The following GALNTL6 variants were observed in gnomAD, a reference collection of about 807,000 sequenced individuals.
The protein encoded by GALNTL6 is polypeptide N-acetylgalactosaminyltransferase-like 6.
Under a neutral mutation model 73.7 loss-of-function variants are expected in GALNTL6, and 46 were observed. The ratio of observed to expected loss-of-function variants is 0.62; its 90% CI spans 0.49 to 0.80. GALNTL6 has a LOEUF of 0.80. Among genes scored for constraint, GALNTL6 ranks in the 30% least tolerant of loss-of-function variants. GALNTL6 has a pLI of 0.00. For synonymous variants in GALNTL6, 259 were observed against 263.7 expected (o/e 0.98, Z 0.17); for missense variants, 604 against 755.0 (o/e 0.80, Z 2.34).
intron 5 of GALNTL6, among the ~76,000 whole-genome samples, chr4:172,608,703 G>A (rs1041994308): frequency 2.6e-5 from 4 of 152,030 alleles, no homozygotes; most frequent in East Asian, 3.9e-4. Context: ...GATAGGAATA[G>A]CACTGAATTG....
At chr4:171,960,694 A>G (rs1364829186) in intron 2 of GALNTL6, among the ~76,000 whole-genome samples, 1 of 52,982 alleles carries the variant, frequency 1.9e-5, no homozygotes, top group African/African-American at 6.0e-5. Context: ...TATTTAAAAA[A>G]AAAAAAAAAA....
intron 2 of GALNTL6, among the ~76,000 whole-genome samples, chr4:171,980,497 G>A (rs754526961): frequency 3.3e-5 from 5 of 152,134 alleles, no homozygotes; most frequent in Non-Finnish European, 7.3e-5. Context: ...ATTCAAAAGT[G>A]CACAAAAAGT....
intron 5 of GALNTL6, among the ~76,000 whole-genome samples, chr4:172,576,787 T>C (rs1408320899): frequency 2.6e-5 from 4 of 152,172 alleles, no homozygotes; most frequent in Non-Finnish European, 5.9e-5. Flanking sequence ...ATTGTCTCAA[T>C]AGATTCTGAG....
At chr4:172,437,819 C>T (rs1217503110) in intron 5 of GALNTL6, among the ~76,000 whole-genome samples, 2 of 152,076 alleles carry the variant, frequency 1.3e-5, no homozygotes, top group Non-Finnish European at 2.9e-5. Context: ...TCTTCCTCTG[C>T]TGATTGACCG....
At chr4:172,113,515 A>G (rs1469023328) in intron 2 of GALNTL6, among the ~76,000 whole-genome samples, 2 of 152,072 alleles carry the variant, frequency 1.3e-5, no homozygotes, top group Non-Finnish European at 2.9e-5. Context: ...ATGCACATAT[A>G]GATCTGAGTT....
rs1444035506 is a variant in GALNTL6 at position 172,880,526 on chromosome 4, G to C, written c.924-2264G>C. ...GAAGGAAATGAGAAGAGATTACAAA[G>C]AGACATGAGGAAACTTTGACAAATA... is the stretch of plus-strand genomic sequence containing the variant. On this transcript the variant is annotated intron_variant, in intron 7 of 12. Coordinates refer to ENST00000506823, the MANE Select transcript of GALNTL6 (RefSeq NM_001034845.3). Among the ~76,000 whole-genome samples the C allele has an allele frequency of 2.0e-5, 3 of 152,224 alleles. No homozygotes were observed. The East Asian group carries it at 5.8e-4, about 29-fold the overall frequency.
chr4:172,418,559 C>G (rs1021000566), intron 5 of GALNTL6, among the ~76,000 whole-genome samples: 2 of 152,152 alleles, frequency 1.3e-5, no homozygotes, highest in African/African-American at 4.8e-5. Flanking sequence ...AGGGAATAGC[C>G]AAATCCAGCC....
In GALNTL6 at chr4:172,508,364, T is replaced by A. The variant is rs538403690; in HGVS notation, c.553+159675T>A. On this transcript the variant is annotated intron_variant, in intron 5 of 12. Coordinates refer to ENST00000506823, the MANE Select transcript of GALNTL6 (RefSeq NM_001034845.3). ...AACCATTTTTCAAGAAGTTCGATGA[T>A]GACATACAGCATGGTTTTCTGTGAA... Among the ~76,000 whole-genome samples, 17 of 55,548 alleles carry A rather than the reference T, an allele frequency of 3.1e-4. 6 individuals carry two copies. Among genetic ancestry groups the A allele is most frequent in the African/African-American group, 7.6e-4 (17 of 22,298 alleles). 36.4% of individuals were successfully genotyped at this position (55,548 alleles called of 152,430 possible).
At chr4:172,529,224 C>A (rs1181674140) in intron 5 of GALNTL6, among the ~76,000 whole-genome samples, 1 of 151,436 alleles carries the variant, frequency 6.6e-6, no homozygotes, top group Non-Finnish European at 1.5e-5. Context: ...AAAATATAAT[C>A]TAAAGAAACA....
intron 5 of GALNTL6, among the ~76,000 whole-genome samples, chr4:172,491,545 G>C (rs1246249362): frequency 6.6e-6 from 1 of 152,066 alleles, no homozygotes; most frequent in Non-Finnish European, 1.5e-5. Context: ...ATCTGGACTG[G>C]AAGGGAAGAC....
intron 5 of GALNTL6, among the ~76,000 whole-genome samples, chr4:172,454,027 G>T (rs1362363096): frequency 6.6e-6 from 1 of 152,140 alleles, no homozygotes; most frequent in Non-Finnish European, 1.5e-5. Context: ...CAAGCATGGT[G>T]CTATGTCCTC....
intron 5 of GALNTL6, among the ~76,000 whole-genome samples, chr4:172,794,051 C>G (rs933496591): frequency 6.6e-6 from 1 of 152,122 alleles, no homozygotes; most frequent in African/African-American, 2.4e-5. Context: ...TACTGTAGAA[C>G]AGAAATGCAG....
At position 172,837,248 on chromosome 4, in the gene GALNTL6, A is replaced by G. The variant is rs191427062; in HGVS notation, c.923+23525A>G. 1.2e-4 allele frequency among the ~76,000 whole-genome samples: 18 copies of G among 152,304 alleles called. No individual in the cohort carries two copies. The East Asian group carries it at 3.5e-3, about 29-fold the overall frequency. ...ATTGTTTCAATTTTCTTTAAACATC[A>G]AAATATTTGTGGTCCAGGATTAGAT... On this transcript the variant is annotated intron_variant, in intron 7 of 12. Transcript: ENST00000506823.
chr4:172,349,873 T>C (rs1034433116), intron 5 of GALNTL6, among the ~76,000 whole-genome samples: 1 of 150,906 alleles, frequency 6.6e-6, no homozygotes, highest in Admixed American at 6.6e-5. Flanking sequence ...ACCTGGTCAT[T>C]TTAGGTTTGA....
chr4:172,193,397 C>A lies in GALNTL6; in HGVS notation c.139-36259C>A, dbSNP rs566312612. Among the ~76,000 whole-genome samples, 48 of 152,274 alleles carry A rather than the reference C, an allele frequency of 3.2e-4. 1 individual carries two copies. In the South Asian group the frequency reaches 9.5e-3, roughly 30 times the overall value. On this transcript the variant is annotated intron_variant, in intron 2 of 12. Coordinates refer to ENST00000506823, the MANE Select transcript of GALNTL6 (RefSeq NM_001034845.3). ...CAGGAGGAACCCAGGAGAATGGGGT[C>A]TGGAGTGGAACCCCAGCAAACCACA...
chr4:172,217,262 G>A (rs940296364), intron 2 of GALNTL6, among the ~76,000 whole-genome samples: 2 of 152,106 alleles, frequency 1.3e-5, no homozygotes, highest in East Asian at 3.9e-4. Context: ...TTGCAAGGCC[G>A]TTTCAAAATG....
At chr4:172,024,406 T>C (rs12645248) in intron 2 of GALNTL6, among the ~76,000 whole-genome samples, 68,381 of 151,570 alleles carry the variant, frequency 0.45, 15,783 homozygotes, top group Admixed American at 0.54. Context: ...TTAATTAGCA[T>C]TTTTTCTATT....
chr4:172,096,528 G>A (rs1349411076), intron 2 of GALNTL6, among the ~76,000 whole-genome samples: 4 of 128,284 alleles, frequency 3.1e-5, no homozygotes, highest in Admixed American at 2.9e-4. Flanking sequence ...TTTACTGACA[G>A]CCCTTTTTAT....
intron 2 of GALNTL6, among the ~76,000 whole-genome samples, chr4:172,222,944 C>T (rs919840926): frequency 4.6e-5 from 7 of 151,946 alleles, no homozygotes; most frequent in African/African-American, 1.7e-4. Context: ...GTCCCAAAGA[C>T]ATAAACCAGC....
Sources: allele counts gnomAD v4.1 joint callset (sites outside exome capture counted in the v4.1 genomes callset), GRCh38; gene constraint gnomAD v4.1.1; transcripts MANE v1.5; gene names NCBI Gene and HGNC (gene_info 2026-07-23, HGNC 2026-07-21).